Variants in EIF4G3 observed in about 807,000 individuals in gnomAD.
EIF4G3 encodes the protein eukaryotic translation initiation factor 4 gamma 3.
Under a neutral mutation model 186.4 loss-of-function variants are expected in EIF4G3, and 34 were observed. That is an observed-to-expected ratio of 0.18 (90% CI 0.14 to 0.24). EIF4G3 has a LOEUF of 0.24. EIF4G3 is among the 10% of genes least tolerant of loss of function. EIF4G3 has a pLI of 1.00. For missense variants in EIF4G3, 1,536 were observed against 1,948.5 expected (o/e 0.79, Z 3.99); for synonymous variants, 673 against 679.5 (o/e 0.99, Z 0.15).
At chr1:21,084,949 A>C (rs1334632213) in intron 3 of EIF4G3, among the ~76,000 whole-genome samples, 1 of 149,934 alleles carries the variant, frequency 6.7e-6, no homozygotes, top group Non-Finnish European at 1.5e-5. Flanking sequence ...CCATATCCTG[A>C]ACACCTAGAC....
At chr1:20,945,179 C>A (rs2095883573) in intron 13 of EIF4G3, among the ~76,000 whole-genome samples, 1 of 151,532 alleles carries the variant, frequency 6.6e-6, no homozygotes, top group Non-Finnish European at 1.5e-5. Context: ...CTAAAGACTT[C>A]TATTATAAAA....
intron 4 of EIF4G3, chr1:21,003,449 T>C (rs1026801514): frequency 1.8e-5 from 3 of 167,894 alleles, no homozygotes; most frequent in Non-Finnish European, 3.8e-5. Flanking sequence ...ATAAATCTCC[T>C]GATAAAAGGA....
intron 2 of EIF4G3, among the ~76,000 whole-genome samples, chr1:21,168,398 C>T (rs752920692): frequency 5.3e-5 from 8 of 150,568 alleles, no homozygotes; most frequent in Non-Finnish European, 7.4e-5. Context: ...AGCGAGGCTC[C>T]GTCTCAATTT....
chr1:20,848,366 T>C (rs1254216918), intron 29 of EIF4G3, among the ~76,000 whole-genome samples: 1 of 152,228 alleles, frequency 6.6e-6, no homozygotes, highest in Non-Finnish European at 1.5e-5. Context: ...AAGACTGTTT[T>C]AACAGATTAG....
At chr1:20,857,142 G>GGAGTCTC (rs2075160318) in intron 25 of EIF4G3, among the ~76,000 whole-genome samples, 1 of 102,704 alleles carries the variant, frequency 9.7e-6, no homozygotes, top group Admixed American at 1.3e-4. Flanking sequence ...CAGCCTGGGC[G>GGAGTCTC]ACAGAGTGAG....
intron 24 of EIF4G3, 119 bp from the exon 25 acceptor site, chr1:20,857,616 A>T: frequency 2.3e-6 from 2 of 868,568 alleles, no homozygotes; most frequent in African/African-American, 1.7e-5. Context: ...TAAAGCATTG[A>T]TGACAATATC....
At chr1:20,907,964 G>A (rs1301800074) in intron 14 of EIF4G3, among the ~76,000 whole-genome samples, 2 of 151,662 alleles carry the variant, frequency 1.3e-5, no homozygotes, top group East Asian at 1.9e-4. Flanking sequence ...CTGAGGAATC[G>A]CCACACTGAC....
intron 2 of EIF4G3, among the ~76,000 whole-genome samples, chr1:21,123,381 G>A (rs1364339821): frequency 1.3e-5 from 2 of 151,830 alleles, no homozygotes; most frequent in Non-Finnish European, 1.5e-5. Context: ...TGTCCAACAC[G>A]GCAAAACCCT....
At chr1:21,094,103 A>ATAATAATAAT (rs2096283658) in intron 2 of EIF4G3, among the ~76,000 whole-genome samples, 1 of 151,042 alleles carries the variant, frequency 6.6e-6, no homozygotes, top group African/African-American at 2.5e-5. Context: ...AAGTATAATA[A>ATAATAATAAT]AAAAAATTTT....
chr1:20,865,753 A>G (rs762123029), intron 20 of EIF4G3, among the ~76,000 whole-genome samples: 2 of 152,126 alleles, frequency 1.3e-5, no homozygotes, highest in Non-Finnish European at 2.9e-5. Context: ...GATTTTTGAG[A>G]TATCTTTTCA....
chr1:20,975,044 G>A (rs1000509271), intron 10 of EIF4G3, among the ~76,000 whole-genome samples: 1 of 152,098 alleles, frequency 6.6e-6, no homozygotes, highest in African/African-American at 2.4e-5. Context: ...ATGATTTGCA[G>A]TACCAGAATT....
chr1:21,148,113 C>T (rs180946200), intron 2 of EIF4G3, among the ~76,000 whole-genome samples: 1 of 152,168 alleles, frequency 6.6e-6, no homozygotes, highest in South Asian at 2.1e-4. Context: ...GTCACCCAAG[C>T]TGGAATGTGC....
At chr1:21,092,671 G>C (rs1012948064) in intron 2 of EIF4G3, among the ~76,000 whole-genome samples, 1 of 152,126 alleles carries the variant, frequency 6.6e-6, no homozygotes, top group African/African-American at 2.4e-5. Context: ...AACAAAGCTG[G>C]AGGCATCACA....
rs570848878 is a variant in EIF4G3 at position 20,864,690 on chromosome 1, T to A, written c.2792A>T (p.His931Leu). The A allele has an allele frequency of 6.2e-7, 1 of 1,614,156 alleles. No homozygotes were observed. Among genetic ancestry groups the A allele is most frequent in the African/African-American group, 1.3e-5 (1 of 75,050 alleles). The change falls in exon 22 of 37, where the codon CAT becomes CTT. Residue 931 changes from histidine to leucine, a missense_variant. Transcript: ENST00000602326. ...ASAPEERTRL[H>L]DELEEAKDKA... ...GTCCTTGGCTTCTTCCAGTTCATCATGAAGCCTTGTCCTCTCCTCTGGCTG... is the reference window on the plus strand; with the variant it reads ...GTCCTTGGCTTCTTCCAGTTCATCAAGAAGCCTTGTCCTCTCCTCTGGCTG...
chr1:20,820,278 A>AG (rs2062009869), intron 33 of EIF4G3, among the ~76,000 whole-genome samples: 1 of 151,066 alleles, frequency 6.6e-6, no homozygotes, highest in African/African-American at 2.4e-5. Flanking sequence ...GGACGGGAAA[A>AG]GGGGGAGCCC....
At chr1:21,015,593 TACAAAAA>T (rs1557520582) in intron 4 of EIF4G3, among the ~76,000 whole-genome samples, 1 of 152,000 alleles carries the variant, frequency 6.6e-6, no homozygotes, top group Non-Finnish European at 1.5e-5. Context: ...AACCTGTCTA[TACAAAAA>T]ACAAATTTTT....
At chr1:21,017,975 G>T (rs933698124) in intron 4 of EIF4G3, among the ~76,000 whole-genome samples, 3 of 151,878 alleles carry the variant, frequency 2.0e-5, no homozygotes, top group African/African-American at 7.3e-5. Context: ...GTCTCACTCT[G>T]TTACCCAGGC....
intron 14 of EIF4G3, among the ~76,000 whole-genome samples, chr1:20,934,355 G>C (rs1339924857): frequency 6.6e-6 from 1 of 152,146 alleles, no homozygotes; most frequent in Non-Finnish European, 1.5e-5. Flanking sequence ...GCAGCTAAAT[G>C]GTTATATGGG....
At chr1:21,138,140 G>A (rs968195390) in intron 2 of EIF4G3, among the ~76,000 whole-genome samples, 1 of 152,100 alleles carries the variant, frequency 6.6e-6, no homozygotes, top group African/African-American at 2.4e-5. Context: ...AACATCAAAC[G>A]TAAGCTCTTT....
Sources: allele counts gnomAD v4.1 joint callset (sites outside exome capture counted in the v4.1 genomes callset), GRCh38; gene constraint gnomAD v4.1.1; transcripts MANE v1.5; gene names NCBI Gene and HGNC (gene_info 2026-07-23, HGNC 2026-07-21).